The following DNAH5 variants were observed in gnomAD, a reference collection of about 807,000 sequenced individuals.
DNAH5 encodes axonemal beta dynein heavy chain 5.
DNAH5 carries 372 observed loss-of-function variants against 518.2 expected under a neutral mutation model. The ratio of observed to expected loss-of-function variants is 0.72; its 90% CI spans 0.66 to 0.78. The LOEUF is 0.78. Among genes scored for constraint, DNAH5 ranks in the 30% least tolerant of loss-of-function variants. The pLI, the probability that DNAH5 is intolerant of heterozygous loss-of-function variation, is 0.00. For missense variants in DNAH5, 5,523 were observed against 5,687.0 expected (o/e 0.97, Z 0.93); for synonymous variants, 2,039 against 2,025.9 (o/e 1.01, Z -0.17).
chr5:13,857,466 C>T (rs1767787827), intron 30 of DNAH5, among the ~76,000 whole-genome samples: 3 of 152,140 alleles, frequency 2.0e-5, no homozygotes, highest in South Asian at 4.1e-4. Flanking sequence ...CAATGCTATT[C>T]CCATCAAGCT....
chr5:13,714,083 C>T (rs539782585), intron 75 of DNAH5, among the ~76,000 whole-genome samples: 6 of 152,194 alleles, frequency 3.9e-5, no homozygotes, highest in Admixed American at 6.5e-5. Flanking sequence ...AATAATACTT[C>T]GCTTTATTTT....
chr5:13,753,438 G>A lies in DNAH5; in HGVS notation c.10667C>T (p.Pro3556Leu), dbSNP rs1179894393. 6.2e-7 allele frequency: 1 copy of A among 1,613,982 alleles called. No homozygotes were observed. Among genetic ancestry groups the A allele is most frequent in the Non-Finnish European group, 8.5e-7 (1 of 1,179,922 alleles). ...ACTGAGATTTAGGTTCTTTCCAAAT[G>A]GAATTTTCCGGGCTTTCATTTCCTT... is the stretch of plus-strand genomic sequence containing the variant. ...WRKEMKARKI[P>L]FGKNLNLSEM... Residue 3556 changes from proline to leucine, a missense_variant, in exon 63 of 79, where the codon CCA (proline) becomes CTA (leucine). Around this residue, in one of 3 missense-constraint regions of DNAH5, gnomAD observed 5,121 missense variants for 5,223.3 expected, o/e 0.98. Coordinates refer to ENST00000265104, the MANE Select transcript of DNAH5 (RefSeq NM_001369.3).
chr5:13,898,246 C>A (rs1307297585), intron 15 of DNAH5: 1 of 251,030 alleles, frequency 4.0e-6, no homozygotes, highest in Non-Finnish European at 7.4e-6. Context: ...TTATTGTAAA[C>A]CCTACAACGT....
chr5:13,793,877 T>A lies in DNAH5; in HGVS notation c.8010+59A>T. ...ACTTAAAAAAAATTTTTAAAAACTC[T>A]TCTAAGAATAAATCAATACCAAATT... On this transcript the variant is annotated intron_variant, in intron 48 of 78. Coordinates refer to ENST00000265104, the MANE Select transcript of DNAH5 (RefSeq NM_001369.3). The A allele has an allele frequency of 3.8e-6, 6 of 1,589,624 alleles. No individual in the cohort carries two copies. In the South Asian group the frequency reaches 6.9e-5, roughly 18 times the overall value.
intron 47 of DNAH5, among the ~76,000 whole-genome samples, chr5:13,803,545 T>C (rs1402220264): frequency 1.3e-5 from 2 of 152,254 alleles, no homozygotes; most frequent in Non-Finnish European, 2.9e-5. Context: ...GCTTAGGTTC[T>C]GCCACCAACT....
intron 47 of DNAH5, among the ~76,000 whole-genome samples, chr5:13,805,097 C>T (rs921476991): frequency 1.3e-5 from 2 of 152,092 alleles, no homozygotes; most frequent in Non-Finnish European, 2.9e-5. Context: ...GCCCCTCATA[C>T]CACTCATGCC....
At chr5:13,947,931 T>C (rs774439113), upstream of DNAH5, among the ~76,000 whole-genome samples, 24 of 152,238 alleles carry the variant, frequency 1.6e-4, no homozygotes, top group African/African-American at 2.4e-4. Context: ...AAATGCAACA[T>C]GATATTTCAT....
intron 65 of DNAH5, among the ~76,000 whole-genome samples, chr5:13,743,201 T>C (rs1203345935): frequency 6.6e-6 from 1 of 152,006 alleles, no homozygotes; most frequent in Non-Finnish European, 1.5e-5. Flanking sequence ...GATAGGTAGG[T>C]AGATAGAGAG....
At chr5:13,722,546 G>A (rs1241741709) in intron 70 of DNAH5, among the ~76,000 whole-genome samples, 2 of 152,160 alleles carry the variant, frequency 1.3e-5, no homozygotes, top group East Asian at 1.9e-4. Flanking sequence ...ACTGTTGAAC[G>A]ACTGGCTTGG....
intron 15 of DNAH5, among the ~76,000 whole-genome samples, chr5:13,896,909 G>A (rs975508562): frequency 3.9e-5 from 6 of 152,260 alleles, no homozygotes; most frequent in Non-Finnish European, 7.4e-5. Context: ...GTGCATGTTG[G>A]TTTTACCTTG....
At chr5:13,841,336 C>T (rs2151860990) in intron 33 of DNAH5, among the ~76,000 whole-genome samples, 1 of 152,170 alleles carries the variant, frequency 6.6e-6, no homozygotes, top group African/African-American at 2.4e-5. Flanking sequence ...TCATTGTTTC[C>T]TGTATTTTAA....
At chr5:13,747,232 G>A (rs371926752) in intron 65 of DNAH5, among the ~76,000 whole-genome samples, 16 of 152,144 alleles carry the variant, frequency 1.1e-4, no homozygotes, top group South Asian at 1.0e-3. Context: ...CCTTTTTTAC[G>A]GCTGCATAGT....
At chr5:13,911,526 T>A in intron 11 of DNAH5, 33 bp from the exon 12 acceptor site, 1 of 1,503,540 alleles carries the variant, frequency 6.7e-7, no homozygotes, top group Non-Finnish European at 9.2e-7. Flanking sequence ...AGATAATATT[T>A]CAATATTCTT....
At chr5:13,757,675 T>C (rs745804132) in intron 61 of DNAH5, among the ~76,000 whole-genome samples, 1 of 152,160 alleles carries the variant, frequency 6.6e-6, no homozygotes, top group African/African-American at 2.4e-5. Flanking sequence ...ATCCAGGATC[T>C]ATAAGGAACT....
chr5:13,816,799 G>T (rs753489956), intron 42 of DNAH5, among the ~76,000 whole-genome samples: 6 of 152,098 alleles, frequency 3.9e-5, no homozygotes, highest in Admixed American at 2.6e-4. Flanking sequence ...TTTTTCAGAA[G>T]GACACTGTTG....
At position 13,871,571 on chromosome 5, in the gene DNAH5, CAG is replaced by C. The variant is rs1561477725; in HGVS notation, c.3589_3590del (p.Leu1197ValfsTer4). On this transcript the variant is annotated frameshift_variant, in exon 23 of 79. Transcript: ENST00000265104. LOFTEE classifies it high-confidence loss of function. ...GAAAGAAAATGAACCAACCTGTGTA[CAG>C]AGCAATGGAACCCACACAGACATAT... ...PEYVCVGSIA[L>X]YTADLKFALT... The C allele has an allele frequency of 1.9e-6, 3 of 1,612,874 alleles. No homozygotes were observed. The South Asian group carries it at 3.3e-5, about 18-fold the overall frequency.
Position 13,748,528 on chromosome 5 carries a change from ATTTG to A in DNAH5, c.11211+2546_11211+2549del, listed in dbSNP as rs528695445. Among the ~76,000 whole-genome samples the A allele has an allele frequency of 5.2e-3, 792 of 152,270 alleles. 6 individuals carry two copies. The highest frequency in any genetic ancestry group is 0.018 in the African/African-American group (762 of 41,562). ...ATCCATGAGCATGGAATGTTCTTCC[ATTTG>A]TTTGTATCCTCTTTTATTTCGTTTA... On this transcript the variant is annotated intron_variant, in intron 65 of 78. Coordinates refer to ENST00000265104, the MANE Select transcript of DNAH5 (RefSeq NM_001369.3).
At chr5:13,774,325 T>C (rs1346140824) in intron 55 of DNAH5, among the ~76,000 whole-genome samples, 1 of 152,048 alleles carries the variant, frequency 6.6e-6, no homozygotes, top group Non-Finnish European at 1.5e-5. Context: ...GGTTGCCTAG[T>C]TTGATGAGCG....
At chr5:13,779,423 T>G (rs1420295125) in intron 53 of DNAH5, among the ~76,000 whole-genome samples, 1 of 152,212 alleles carries the variant, frequency 6.6e-6, no homozygotes, top group Non-Finnish European at 1.5e-5. Context: ...CTTTCAGCCT[T>G]CATCCTAGCA....
Sources: allele counts gnomAD v4.1 joint callset (sites outside exome capture counted in the v4.1 genomes callset), GRCh38; gene constraint gnomAD v4.1.1; regional missense constraint gnomAD v4.1.1; transcripts MANE v1.5; gene names NCBI Gene and HGNC (gene_info 2026-07-23, HGNC 2026-07-21).